UNG: variants seen among roughly 807,000 people sequenced by gnomAD.
UNG encodes uracil-DNA glycosylase.
In UNG, 34 loss-of-function variants were observed where a neutral mutation model predicts 36.5. The observed-to-expected ratio is 0.93, with a 90% CI of 0.71 to 1.24. The LOEUF is 1.24. Among genes scored for constraint, UNG ranks in the 50% most tolerant of loss-of-function variants. UNG has a pLI of 0.00. For synonymous variants in UNG, 172 were observed against 157.8 expected (o/e 1.09, Z -0.67); for missense variants, 391 against 397.6 (o/e 0.98, Z 0.14).
intron 6 of UNG, 54 bp downstream of exon 6, chr12:109,103,665 A>C (rs2042196534): frequency 6.6e-7 from 1 of 1,525,518 alleles, no homozygotes; most frequent in African/African-American, 1.4e-5. Context: ...TATAAAAACA[A>C]TGTAAAGAAT....
chr12:109,098,138 G>T (rs979345032), intron 1 of UNG: 2 of 1,386,934 alleles, frequency 1.4e-6, no homozygotes, highest in Non-Finnish European at 1.9e-6. Flanking sequence ...GTGGGGACGC[G>T]GTGGGGCGGG....
chr12:109,103,531 T>C lies in UNG; in HGVS notation c.721T>C (p.Trp241Arg), dbSNP rs150180082. 1.3e-4 allele frequency: 204 copies of C among 1,614,212 alleles called. No homozygotes were observed. Among genetic ancestry groups the C allele is most frequent in the Non-Finnish European group, 1.6e-4 (194 of 1,180,038 alleles). The change falls in exon 6 of 7, where the codon TGG (tryptophan) becomes CGG (arginine). Residue 241 changes from tryptophan (W) to arginine (R), a missense_variant. Transcript: ENST00000242576. ...WEQFTDAVVS[W>R]LNQNSNGLVF... ...GCAGTTCACTGATGCAGTTGTGTCC[T>C]GGCTAAATCAGAACTCGAATGGCCT...
At chr12:109,100,268 G>A (rs961716574) in intron 3 of UNG, among the ~76,000 whole-genome samples, 1 of 152,096 alleles carries the variant, frequency 6.6e-6, no homozygotes, top group African/African-American at 2.4e-5. Flanking sequence ...ATTGAAGTCC[G>A]TTGCCTGCCA....
chr12:109,098,472 C>T lies in UNG; in HGVS notation c.173C>T (p.Pro58Leu), dbSNP rs371482568. Residue 58 changes from proline (P) to leucine (L), a missense_variant, in exon 2 of 7, where the codon CCT becomes CTT. Pro to Leu is a moderately conservative substitution (Grantham distance 98, BLOSUM62 -3). Transcript: ENST00000242576. ...AAGGCCCCGGCTGGGCAGGAGGAGCCTGGGACGCCGCCCTCCTCGCCGCTG... is the reference window on the plus strand; with the variant it reads ...AAGGCCCCGGCTGGGCAGGAGGAGCTTGGGACGCCGCCCTCCTCGCCGCTG... ...AKKAPAGQEE[P>L]GTPPSSPLSA... 1.7e-5 allele frequency: 28 copies of T among 1,611,890 alleles called. No homozygotes were observed. Among genetic ancestry groups the T allele is most frequent in the Non-Finnish European group, 2.2e-5 (26 of 1,179,460 alleles).
chr12:109,102,054 A>C, intron 4 of UNG, 55 bp downstream of exon 4: 1 of 1,516,386 alleles, frequency 6.6e-7, no homozygotes, highest in Non-Finnish European at 9.2e-7. Flanking sequence ...TCAGATGTGT[A>C]CTTAGCTTAT....
Position 109,098,690 on chromosome 12 carries a change from C to T in UNG, c.339+52C>T, listed in dbSNP as rs765063665. The T allele has an allele frequency of 3.7e-6, 6 of 1,611,098 alleles. No homozygotes were observed. In the South Asian group the frequency reaches 5.5e-5, roughly 15 times the overall value. ...AGGGTAAATGTGGAGGCTGCCGGCC[C>T]TTTTGTCTTGTTAGTGTAGCCGGCC... On this transcript the variant is annotated intron_variant, in intron 2 of 6. Coordinates refer to ENST00000242576, the MANE Select transcript of UNG (RefSeq NM_080911.3).
intron 6 of UNG, among the ~76,000 whole-genome samples, chr12:109,106,941 T>A (rs1466455505): frequency 2.5e-4 from 2 of 8,074 alleles, no homozygotes; most frequent in African/African-American, 9.3e-4. Context: ...ATATAAAAAA[T>A]ATTTTTACTG....
At chr12:109,107,647 T>A (rs147057950) in intron 6 of UNG, among the ~76,000 whole-genome samples, 1,714 of 149,372 alleles carry the variant, frequency 0.011, 43 homozygotes, top group African/African-American at 0.04. Context: ...TGCCTCAGCC[T>A]CCTGAGTAGC....
Position 109,110,063 on chromosome 12 carries a change from C to T in UNG, c.*94C>T. The T allele has an allele frequency of 4.5e-6, 7 of 1,563,862 alleles. No homozygotes were observed. Among genetic ancestry groups the T allele is most frequent in the Non-Finnish European group, 6.1e-6 (7 of 1,146,224 alleles). On this transcript the variant is annotated 3_prime_UTR_variant, in exon 7 of 7. Transcript: ENST00000242576. ...AAATTTTCCTATTAATTCTTAAGTACTCTGCATAAGGGGGAAAAGCTTCCA... is the reference window on the plus strand; with the variant it reads ...AAATTTTCCTATTAATTCTTAAGTATTCTGCATAAGGGGGAAAAGCTTCCA...
At chr12:109,106,407 C>G (rs986274852) in intron 6 of UNG, among the ~76,000 whole-genome samples, 2 of 152,030 alleles carry the variant, frequency 1.3e-5, no homozygotes, top group Non-Finnish European at 2.9e-5. Context: ...GGACTGAGCC[C>G]CTTGAAGGCA....
At chr12:109,102,487 G>A (rs960214938) in intron 4 of UNG, among the ~76,000 whole-genome samples, 3 of 150,154 alleles carry the variant, frequency 2.0e-5, no homozygotes, top group Non-Finnish European at 3.0e-5. Flanking sequence ...AAAAAAAAAA[G>A]AACCACTGCT....
chr12:109,098,566 C>T lies in UNG; in HGVS notation c.267C>T (p.Asn89=), dbSNP rs757301291. ...CCCTGCTCAGACTCGCGGCCCGCAA[C>T]GTGCCCGTGGGCTTTGGAGAGAGCT... ...AAALLRLAAR[N]VPVGFGESWK... Residue 89 remains asparagine (N), a synonymous_variant, in exon 2 of 7, where the codon AAC becomes AAT. Transcript: ENST00000242576. 1.1e-5 allele frequency: 18 copies of T among 1,613,248 alleles called. No homozygotes were observed. The Admixed American group carries it at 1.3e-4, about 12-fold the overall frequency.
At chr12:109,101,168 C>G (rs1052122155) in intron 3 of UNG, among the ~76,000 whole-genome samples, 8 of 119,778 alleles carry the variant, frequency 6.7e-5, no homozygotes, top group Admixed American at 1.2e-4. Context: ...TCTCGGCTTA[C>G]TGCAACCTCC....
intron 3 of UNG, among the ~76,000 whole-genome samples, chr12:109,099,984 C>T (rs953059119): frequency 5.3e-5 from 8 of 152,134 alleles, no homozygotes; most frequent in Non-Finnish European, 8.8e-5. Flanking sequence ...ATCGCATGAG[C>T]CCAGGAGGCG....
At position 109,109,813 on chromosome 12, in the gene UNG, T is replaced by C; in HGVS notation, c.802-16T>C. 1.2e-6 allele frequency: 2 copies of C among 1,612,870 alleles called. No individual in the cohort carries two copies. Among genetic ancestry groups the C allele is most frequent in the East Asian group, 4.5e-5 (2 of 44,856 alleles). ...AAGTCCCAAATCTGCCACCATTTAT[T>C]CTTGATCTTTTTCAGAAGCGGCACC... On this transcript the variant is annotated splice_polypyrimidine_tract_variant and intron_variant, in intron 6 of 6. Transcript: ENST00000242576.
Position 109,098,057 on chromosome 12 carries a change from C to T in UNG, c.132+246C>T, listed in dbSNP as rs911156643. On this transcript the variant is annotated intron_variant, in intron 1 of 6. Coordinates refer to ENST00000242576, the MANE Select transcript of UNG (RefSeq NM_080911.3). ...CCGCGCGCCGCAGGCCCTCCTGGCT[C>T]GGTGCGCTGTCCAATCAGAGGGGAG... 5.3e-5 allele frequency: 73 copies of T among 1,370,406 alleles called. 1 individual carries two copies. The African/African-American group carries it at 8.0e-4, about 15-fold the overall frequency. The allele number at this position is 1,370,406 out of a possible 1,614,324, so 84.9% of individuals were successfully genotyped here. A position where few individuals can be genotyped will look rare whatever the true frequency, so the allele number is the denominator to read the frequency against.
At chr12:109,106,939 A>ACGT (rs2042222636) in intron 6 of UNG, among the ~76,000 whole-genome samples, 1 of 131,794 alleles carries the variant, frequency 7.6e-6, no homozygotes, top group Non-Finnish European at 1.6e-5. Context: ...ATATATAAAA[A>ACGT]ATATTTTTAC....
At chr12:109,102,948 T>G in intron 5 of UNG, 21 bp downstream of exon 5, 1 of 306,268 alleles carries the variant, frequency 3.3e-6, no homozygotes, top group Non-Finnish European at 5.2e-6. Flanking sequence ...GACTGCTAGA[T>G]TTTTTTTTTT....
At chr12:109,099,082 CAAAG>C in intron 2 of UNG, 103 bp from the exon 3 acceptor site, 3 of 1,097,186 alleles carry the variant, frequency 2.7e-6, no homozygotes, top group Non-Finnish European at 2.7e-6. Flanking sequence ...CATAACATGA[CAAAG>C]AACTAATGAT....
Sources: gnomAD v4.1 joint callset for allele counts (sites outside exome capture counted in the v4.1 genomes callset) on GRCh38, gnomAD v4.1.1 for gene constraint, MANE v1.5 for transcripts, NCBI Gene and HGNC (gene_info 2026-07-23, HGNC 2026-07-21) for gene names.